AMPH: variants seen among roughly 807,000 people sequenced by gnomAD.
The protein encoded by AMPH is amphiphysin (Stiff-Mann syndrome with breast cancer 128kD autoantigen).
In AMPH, 49 loss-of-function variants were observed where a neutral mutation model predicts 99.1. That is an observed-to-expected ratio of 0.49 (90% CI 0.39 to 0.63). The LOEUF (loss-of-function observed/expected upper bound fraction) is 0.63, where lower values mean the gene tolerates loss of function less well. Among genes scored for constraint, AMPH ranks in the 20% least tolerant of loss-of-function variants. AMPH has a pLI of 0.00. For synonymous variants in AMPH, 314 were observed against 317.3 expected (o/e 0.99, Z 0.11); for missense variants, 759 against 863.4 (o/e 0.88, Z 1.52).
chr7:38,504,328 G>A (rs1163875657), intron 2 of AMPH, among the ~76,000 whole-genome samples: 1 of 152,144 alleles, frequency 6.6e-6, no homozygotes, highest in African/African-American at 2.4e-5. Flanking sequence ...CATTGAAATA[G>A]AGAAACTGTT....
intron 2 of AMPH, among the ~76,000 whole-genome samples, chr7:38,529,981 A>T (rs1790332391): frequency 6.6e-6 from 1 of 152,172 alleles, no homozygotes; most frequent in Admixed American, 6.5e-5. Context: ...CTCTTTAGTC[A>T]TTTATATGTA....
chr7:38,631,165 C>G (rs1249372579), intron 1 of AMPH, 118 bp downstream of exon 1: 1 of 927,344 alleles, frequency 1.1e-6, no homozygotes, highest in African/African-American at 1.8e-5. Flanking sequence ...CTGGCCCCGG[C>G]CCCGCTCCGC....
chr7:38,620,346 GTGTGTGTGTGTGTGTGTC>G (rs1794009787), intron 1 of AMPH, among the ~76,000 whole-genome samples: 1 of 147,410 alleles, frequency 6.8e-6, no homozygotes, highest in Non-Finnish European at 1.5e-5. Flanking sequence ...ATGTGTGTGT[GTGTGTGTGTGTGTGTGTC>G]TGTGTGTGTG....
intron 1 of AMPH, among the ~76,000 whole-genome samples, chr7:38,578,843 T>TTTTAATGG (rs201932337): frequency 0.016 from 2,468 of 152,290 alleles, 67 homozygotes; most frequent in African/African-American, 0.056. Flanking sequence ...TCTTATGACA[T>TTTTAATGG]TTTAATGGTT....
chr7:38,606,613 C>A (rs557052528), intron 1 of AMPH, among the ~76,000 whole-genome samples: 2 of 148,188 alleles, frequency 1.3e-5, no homozygotes, highest in Non-Finnish European at 3.0e-5. Flanking sequence ...CACTTTGTCG[C>A]CCAGGACAGA....
At chr7:38,589,501 C>T (rs567912126) in intron 1 of AMPH, among the ~76,000 whole-genome samples, 1 of 152,294 alleles carries the variant, frequency 6.6e-6, no homozygotes, top group East Asian at 1.9e-4. Context: ...AATGGCTTGG[C>T]TTCCAGACTG....
At chr7:38,582,121 T>C (rs1584271028) in intron 1 of AMPH, among the ~76,000 whole-genome samples, 1 of 152,248 alleles carries the variant, frequency 6.6e-6, no homozygotes, top group East Asian at 1.9e-4. Flanking sequence ...GCCCGAAGCC[T>C]GAGCCATGGG....
intron 1 of AMPH, among the ~76,000 whole-genome samples, chr7:38,563,955 T>C (rs898149532): frequency 1.3e-5 from 2 of 152,196 alleles, no homozygotes; most frequent in African/African-American, 4.8e-5. Context: ...AGTCACTCCA[T>C]AATATGTTAC....
intron 12 of AMPH, among the ~76,000 whole-genome samples, chr7:38,434,263 A>C (rs1019573121): frequency 1.3e-5 from 2 of 152,160 alleles, no homozygotes; most frequent in African/African-American, 4.8e-5. Flanking sequence ...TTTTTGTTTA[A>C]TTTTGAAGAA....
chr7:38,393,929 C>A, intron 18 of AMPH, 76 bp downstream of exon 18: 1 of 1,441,984 alleles, frequency 6.9e-7, no homozygotes, highest in African/African-American at 1.4e-5. Context: ...AGAGTTATCA[C>A]CATGAACCAA....
chr7:38,493,255 G>A (rs34789395), intron 4 of AMPH, among the ~76,000 whole-genome samples: 12,842 of 152,106 alleles, frequency 0.084, 574 homozygotes, highest in South Asian at 0.12. Context: ...AATTTAGGTC[G>A]TCTGTGCCTA....
chr7:38,424,064 C>T (rs2128990047), intron 15 of AMPH, among the ~76,000 whole-genome samples: 1 of 152,286 alleles, frequency 6.6e-6, no homozygotes, highest in South Asian at 2.1e-4. Context: ...CAGACTTGAA[C>T]TTCACAGACA....
intron 14 of AMPH, chr7:38,429,473 T>C (rs1213618102): frequency 2.3e-6 from 3 of 1,311,962 alleles, no homozygotes; most frequent in East Asian, 1.0e-4. Context: ...CCCAAGTAAA[T>C]GCACCTATAT....
At chr7:38,402,583 C>G (rs1784870633) in intron 17 of AMPH, among the ~76,000 whole-genome samples, 1 of 152,172 alleles carries the variant, frequency 6.6e-6, no homozygotes, top group Non-Finnish European at 1.5e-5. Context: ...CATAGAATCA[C>G]CTGCTCTGAA....
intron 1 of AMPH, among the ~76,000 whole-genome samples, chr7:38,547,289 C>A (rs185794688): frequency 2.6e-5 from 4 of 152,246 alleles, no homozygotes; most frequent in Non-Finnish European, 5.9e-5. Context: ...AGCTCAAAAT[C>A]TTCCACTACC....
At position 38,525,775 on chromosome 7, in the gene AMPH, T is replaced by C. The variant is rs79050746; in HGVS notation, c.150+9156A>G. Among the ~76,000 whole-genome samples the C allele has an allele frequency of 4.5e-3, 692 of 152,266 alleles. 3 individuals carry two copies. The highest frequency in any genetic ancestry group is 0.016 in the African/African-American group (662 of 41,540). On this transcript the variant is annotated intron_variant, in intron 2 of 20. Transcript: ENST00000356264. ...TCAAGCAGGCTTTGGTGTGTGGCCG[T>C]AGTTATTTTCTTTTCATTGCTTACT...
chr7:38,509,178 T>C, intron 2 of AMPH, among the ~76,000 whole-genome samples: 1 of 152,310 alleles, frequency 6.6e-6, no homozygotes, highest in South Asian at 2.1e-4. Context: ...CTTTTATTTC[T>C]TTTTTTCACA....
chr7:38,516,694 T>C (rs1008206000), intron 2 of AMPH, among the ~76,000 whole-genome samples: 4 of 152,182 alleles, frequency 2.6e-5, no homozygotes, highest in Non-Finnish European at 5.9e-5. Context: ...GACCCCACAA[T>C]GGCAGATCCA....
chr7:38,526,501 C>T (rs1790195685), intron 2 of AMPH, among the ~76,000 whole-genome samples: 3 of 136,924 alleles, frequency 2.2e-5, no homozygotes, highest in South Asian at 5.0e-4. Context: ...GTTTCGAACT[C>T]CTGACCTCAA....
Sources: gnomAD v4.1 joint callset for allele counts (sites outside exome capture counted in the v4.1 genomes callset) on GRCh38, gnomAD v4.1.1 for gene constraint, MANE v1.5 for transcripts, NCBI Gene and HGNC (gene_info 2026-07-23, HGNC 2026-07-21) for gene names.